Variants in JARID2 observed in about 807,000 individuals in gnomAD.
JARID2 encodes protein Jumonji.
A neutral mutation model predicts 125.6 loss-of-function variants in JARID2; 21 were observed. That is an observed-to-expected ratio of 0.17 (90% CI 0.12 to 0.24). The LOEUF is 0.24. Among genes scored for constraint, JARID2 ranks in the 10% least tolerant of loss-of-function variants. The pLI is 1.00. For synonymous variants in JARID2, 736 were observed against 661.6 expected (o/e 1.11, Z -1.73); for missense variants, 1,303 against 1,639.6 (o/e 0.79, Z 3.55).
At chr6:15,314,820 C>T (rs1187703684) in intron 1 of JARID2, 3 of 152,162 alleles carry the variant, frequency 2.0e-5, no homozygotes, top group African/African-American at 7.2e-5. Flanking sequence ...CTGTTGGTTT[C>T]CCGACTGCTT....
At chr6:15,344,469 A>G (rs1372157871) in intron 1 of JARID2, among the ~76,000 whole-genome samples, 1 of 151,798 alleles carries the variant, frequency 6.6e-6, no homozygotes, top group African/African-American at 2.4e-5. Flanking sequence ...TTAAAAAAAA[A>G]CCAACGCAGC....
chr6:15,415,991 G>T (rs1440383810), intron 3 of JARID2, among the ~76,000 whole-genome samples: 1 of 149,876 alleles, frequency 6.7e-6, no homozygotes, highest in East Asian at 2.0e-4. Context: ...GGGCAGAGAC[G>T]CTCCTCACCT....
intron 6 of JARID2, among the ~76,000 whole-genome samples, chr6:15,493,153 A>T (rs1337170280): frequency 6.6e-6 from 1 of 151,858 alleles, no homozygotes; most frequent in Non-Finnish European, 1.5e-5. Flanking sequence ...TTACACTCTT[A>T]TTTGAGATAG....
intron 4 of JARID2, among the ~76,000 whole-genome samples, chr6:15,458,948 G>T (rs1177615746): frequency 2.0e-5 from 3 of 152,160 alleles, no homozygotes; most frequent in African/African-American, 7.2e-5. Flanking sequence ...TCAAGTCAGG[G>T]GTGACATCAT....
intron 1 of JARID2, among the ~76,000 whole-genome samples, chr6:15,274,088 C>T (rs1760402689): frequency 6.6e-6 from 1 of 152,156 alleles, no homozygotes; most frequent in Admixed American, 6.5e-5. Flanking sequence ...GCCACCACGC[C>T]TGCCTAATTT....
At chr6:15,316,379 T>G (rs1450829314) in intron 1 of JARID2, among the ~76,000 whole-genome samples, 1 of 152,162 alleles carries the variant, frequency 6.6e-6, no homozygotes, top group Non-Finnish European at 1.5e-5. Context: ...CCGGCCAGAT[T>G]CTATGCTTCT....
At position 15,522,005 on chromosome 6, in the gene JARID2, A is replaced by AAAAC. The variant is rs1269422837; in HGVS notation, c.*1758_*1761dup. 1.3e-5 allele frequency: 2 copies of AAAAC among 152,216 alleles called. No individual in the cohort carries two copies. Among genetic ancestry groups the AAAAC allele is most frequent in the South Asian group, 2.1e-4 (1 of 4,824 alleles). The allele number at this position is 152,216 out of a possible 1,614,324, so 9.4% of individuals were successfully genotyped here. A position where few individuals can be genotyped will look rare whatever the true frequency, so the allele number is the denominator to read the frequency against. The stretch of plus-strand genomic sequence containing the variant: ...GTTTGTACTACAAGGTTTAATAATA[A>AAAAC]AAACAAAGTTTTTTGGACATTTGTC... On this transcript the variant is annotated 3_prime_UTR_variant, in exon 18 of 18. Transcript: ENST00000341776.
intron 1 of JARID2, among the ~76,000 whole-genome samples, chr6:15,321,780 C>CTTT (rs1762364439): frequency 1.2e-5 from 1 of 83,706 alleles, no homozygotes; most frequent in African/African-American, 4.6e-5. Flanking sequence ...TGGAAGAATT[C>CTTT]TTGTTTTTTT....
Position 15,452,192 on chromosome 6 carries a change from A to T in JARID2, c.493+17A>T. On this transcript the variant is annotated intron_variant, in intron 4 of 17. Transcript: ENST00000341776. Reference sequence around the variant, plus strand: ...GCCTTCGAGGTAAGACTTTGCAACCATCGGCGGAGGTCTACGTGGAATCTA... The same window carrying T: ...GCCTTCGAGGTAAGACTTTGCAACCTTCGGCGGAGGTCTACGTGGAATCTA... 6.2e-7 allele frequency: 1 copy of T among 1,613,092 alleles called. No individual in the cohort carries two copies. The highest frequency in any genetic ancestry group is 1.1e-5 in the South Asian group (1 of 91,014).
intron 9 of JARID2, among the ~76,000 whole-genome samples, chr6:15,505,784 C>T (rs1770976289): frequency 6.6e-6 from 1 of 152,282 alleles, no homozygotes; most frequent in Admixed American, 6.5e-5. Context: ...CCTCACCCAC[C>T]ACCAGCCACG....
intron 2 of JARID2, among the ~76,000 whole-genome samples, chr6:15,406,385 GA>G (rs1179893370): frequency 6.6e-6 from 1 of 152,214 alleles, no homozygotes; most frequent in Non-Finnish European, 1.5e-5. Flanking sequence ...AGTGAGCCAA[GA>G]TTGTGCCACT....
At chr6:15,417,392 G>A (rs1766279817) in intron 3 of JARID2, among the ~76,000 whole-genome samples, 1 of 152,198 alleles carries the variant, frequency 6.6e-6, no homozygotes, top group East Asian at 1.9e-4. Flanking sequence ...AATCACAGTA[G>A]TAACTGCCTG....
At chr6:15,368,782 A>T in intron 1 of JARID2, 1 of 465,128 alleles carries the variant, frequency 2.1e-6, no homozygotes, top group South Asian at 1.5e-5. Context: ...GCCGCATGGG[A>T]TGGATGTTTG....
chr6:15,404,647 A>T (rs746739500), intron 2 of JARID2, among the ~76,000 whole-genome samples: 4 of 152,096 alleles, frequency 2.6e-5, no homozygotes, highest in Non-Finnish European at 5.9e-5. Flanking sequence ...ACCTTGTCTC[A>T]CAGTGACAGG....
intron 16 of JARID2, among the ~76,000 whole-genome samples, chr6:15,516,937 T>C (rs1771590290): frequency 6.6e-6 from 1 of 152,200 alleles, no homozygotes; most frequent in African/African-American, 2.4e-5. Flanking sequence ...GTTACTCACC[T>C]TCCTAGTTGA....
chr6:15,345,977 C>T (rs953408235), intron 1 of JARID2, among the ~76,000 whole-genome samples: 2 of 152,182 alleles, frequency 1.3e-5, no homozygotes, highest in East Asian at 3.9e-4. Flanking sequence ...ATGAAACATA[C>T]ATTCCGTAAG....
intron 1 of JARID2, among the ~76,000 whole-genome samples, chr6:15,359,429 CAT>C (rs1430446917): frequency 5.9e-5 from 9 of 152,124 alleles, no homozygotes; most frequent in African/African-American, 1.9e-4. Flanking sequence ...CTGCCACACA[CAT>C]ATTTTTGATT....
intron 1 of JARID2, among the ~76,000 whole-genome samples, chr6:15,304,317 C>CG (rs1761743520): frequency 1.1e-5 from 1 of 90,920 alleles, no homozygotes; most frequent in African/African-American, 3.9e-5. Flanking sequence ...CCCCCCCCCC[C>CG]CGCCCACCCA....
In JARID2 at chr6:15,521,624, CTG is replaced by C. The variant is rs1004611198; in HGVS notation, c.*1375_*1376del. ...GTATGTGTGGAATAAAAAAGGGAAA[CTG>C]TTTTCACAAGCTGTTCTTTGTTTCA... On this transcript the variant is annotated 3_prime_UTR_variant, in exon 18 of 18. Coordinates refer to ENST00000341776, the MANE Select transcript of JARID2 (RefSeq NM_004973.4). 28 of 152,286 alleles carry C rather than the reference CTG, an allele frequency of 1.8e-4. No homozygotes were observed. The highest frequency in any genetic ancestry group is 2.6e-4 in the African/African-American group (11 of 41,562). The allele number at this position is 152,286 out of a possible 1,614,324, so 9.4% of individuals were successfully genotyped here.
Sources: gnomAD v4.1 joint callset for allele counts (sites outside exome capture counted in the v4.1 genomes callset) on GRCh38, gnomAD v4.1.1 for gene constraint, MANE v1.5 for transcripts, NCBI Gene and HGNC (gene_info 2026-07-23, HGNC 2026-07-21) for gene names.